Variants in PPID observed in about 807,000 individuals in gnomAD.
PPID encodes the protein peptidylprolyl isomerase D.
PPID carries 47 observed loss-of-function variants against 48.1 expected under a neutral mutation model. The ratio of observed to expected loss-of-function variants is 0.98; its 90% CI spans 0.77 to 1.25. PPID has a LOEUF of 1.25. Among genes scored for constraint, PPID ranks in the 50% most tolerant of loss-of-function variants. The pLI is 0.00. For missense variants in PPID, 429 were observed against 443.5 expected, an observed-to-expected ratio of 0.97 and a Z score of 0.29; for synonymous variants, 163 against 148.8, an observed-to-expected ratio of 1.10 and a Z score of -0.69.
At chr4:158,722,365 C>A (rs1409508083) in intron 1 of PPID, among the ~76,000 whole-genome samples, 1 of 152,254 alleles carries the variant, frequency 6.6e-6, no homozygotes, top group Non-Finnish European at 1.5e-5. Flanking sequence ...AGCCTTTGTG[C>A]TCTGAGCAAA....
chr4:158,715,826 A>C, intron 4 of PPID, 142 bp from the exon 5 acceptor site: 1 of 876,376 alleles, frequency 1.1e-6, no homozygotes, highest in Non-Finnish European at 1.7e-6. Context: ...TGCTGTTTTT[A>C]TACATTCCAA....
At chr4:158,722,174 T>G (rs559689512) in intron 1 of PPID, among the ~76,000 whole-genome samples, 1 of 152,380 alleles carries the variant, frequency 6.6e-6, no homozygotes, top group African/African-American at 2.4e-5. Flanking sequence ...CTAAGGATCA[T>G]AACCAATTAT....
chr4:158,719,148 A>G, intron 3 of PPID, 32 bp downstream of exon 3: 1 of 1,391,016 alleles, frequency 7.2e-7, no homozygotes, highest in Non-Finnish European at 1.0e-6. Context: ...CAATCTTTTT[A>G]TCAGCAATAA....
intron 1 of PPID, 75 bp downstream of exon 1, chr4:158,723,129 C>T: frequency 1.4e-6 from 2 of 1,432,740 alleles, no homozygotes; most frequent in South Asian, 1.2e-5. Context: ...AGCCGCATTC[C>T]GCCCTTGGAA....
intron 7 of PPID, 60 bp downstream of exon 7, chr4:158,713,059 A>C: frequency 1.3e-6 from 2 of 1,543,950 alleles, no homozygotes; most frequent in Non-Finnish European, 1.8e-6. Context: ...AAAAGTTGCT[A>C]CTATTCAAAC....
Position 158,723,373 on chromosome 4 carries a change from C to A in PPID, c.-85G>T, listed in dbSNP as rs958280972. 2 of 1,373,232 alleles carry A rather than the reference C, an allele frequency of 1.5e-6. No individual in the cohort carries two copies. The highest frequency in any genetic ancestry group is 1.0e-6 in the Non-Finnish European group (1 of 982,612). The allele number at this position is 1,373,232 out of a possible 1,614,324, so 85.1% of individuals were successfully genotyped here. Reference sequence around the variant, plus strand: ...CCCAAACTCCAGAGTCCGTCTCCGCCGGAGACCGGCAGCGACGCTGACCGG... The same window carrying A: ...CCCAAACTCCAGAGTCCGTCTCCGCAGGAGACCGGCAGCGACGCTGACCGG... On this transcript the variant is annotated 5_prime_UTR_variant, in exon 1 of 10. Transcript: ENST00000307720.
At chr4:158,719,393 A>C in intron 2 of PPID, 107 bp from the exon 3 acceptor site, 1 of 720,954 alleles carries the variant, frequency 1.4e-6, no homozygotes, top group East Asian at 2.8e-5. Flanking sequence ...GACTCTAGTC[A>C]TGTCTCTCTC....
intron 2 of PPID, among the ~76,000 whole-genome samples, chr4:158,720,539 T>C (rs949153418): frequency 3.3e-5 from 5 of 152,168 alleles, no homozygotes; most frequent in African/African-American, 7.2e-5. Flanking sequence ...CTGCAGTCTA[T>C]TGGGAGAACC....
At chr4:158,716,913 A>C in intron 4 of PPID, 99 bp downstream of exon 4, 2 of 1,221,798 alleles carry the variant, frequency 1.6e-6, no homozygotes, top group Non-Finnish European at 2.3e-6. Context: ...GTGAGCCGAG[A>C]CCGCACCACT....
chr4:158,719,045 A>T (rs1774914489), intron 3 of PPID, 135 bp downstream of exon 3: 1 of 589,344 alleles, frequency 1.7e-6, no homozygotes, highest in Admixed American at 3.3e-5. Flanking sequence ...ACCATTATTT[A>T]CAAAAGTGAT....
Position 158,709,488 on chromosome 4 carries a change from C to T in PPID, c.*248G>A, listed in dbSNP as rs570643169. 15 of 273,236 alleles carry T rather than the reference C, an allele frequency of 5.5e-5. No individual in the cohort carries two copies. The highest frequency in any genetic ancestry group is 7.5e-5 in the Non-Finnish European group (11 of 146,280). 16.9% of individuals were successfully genotyped at this position (273,236 alleles called of 1,614,324 possible). A position where few individuals can be genotyped will look rare whatever the true frequency, so the allele number is the denominator to read the frequency against. ...CAGAGGATGCAGTGAGCCGAGATTG[C>T]GCCACCGCACTCCAGCCTGGGTGAC... On this transcript the variant is annotated 3_prime_UTR_variant, in exon 10 of 10. Coordinates refer to ENST00000307720, the MANE Select transcript of PPID (RefSeq NM_005038.3).
chr4:158,710,323 C>T, intron 9 of PPID: 1 of 462,516 alleles, frequency 2.2e-6, no homozygotes, highest in South Asian at 2.6e-5. Context: ...AATAGGAACA[C>T]AGTCTCAAAG....
Position 158,709,650 on chromosome 4 carries a change from T to G in PPID, c.*86A>C, listed in dbSNP as rs2126324148. On this transcript the variant is annotated 3_prime_UTR_variant, in exon 10 of 10. Coordinates refer to ENST00000307720, the MANE Select transcript of PPID (RefSeq NM_005038.3). ...AACTAAGGTGTCAAAAGAAACACATTAGGGATCATATTCATAGACAAAAAC... is the reference window on the plus strand; with the variant it reads ...AACTAAGGTGTCAAAAGAAACACATGAGGGATCATATTCATAGACAAAAAC... 1.0e-6 allele frequency: 1 copy of G among 991,082 alleles called. No individual in the cohort carries two copies. The highest frequency in any genetic ancestry group is 2.5e-5 in the East Asian group (1 of 39,972). The allele number at this position is 991,082 out of a possible 1,614,324, so 61.4% of individuals were successfully genotyped here.
chr4:158,710,710 T>C, intron 8 of PPID, 40 bp from the exon 9 acceptor site: 1 of 1,610,862 alleles, frequency 6.2e-7, no homozygotes, highest in East Asian at 2.2e-5. Flanking sequence ...GTGTATGATT[T>C]ATAAAGGTAG....
At chr4:158,716,327 T>C (rs1447984141) in intron 4 of PPID, among the ~76,000 whole-genome samples, 1 of 152,086 alleles carries the variant, frequency 6.6e-6, no homozygotes, top group African/African-American at 2.4e-5. Flanking sequence ...AAAACACGTG[T>C]GGAAAAGTTA....
At chr4:158,716,974 AAG>A in intron 4 of PPID, 36 bp downstream of exon 4, 1 of 1,571,544 alleles carries the variant, frequency 6.4e-7, no homozygotes, top group South Asian at 1.1e-5. Context: ...GATAGCAACT[AAG>A]ATAATAAGTG....
rs2230222 is a variant in PPID at position 158,715,620 on chromosome 4, T to G, written c.587A>C (p.Asp196Ala). Residue 196 changes from aspartate to alanine, a missense_variant, in exon 5 of 10, where the codon GAT becomes GCT. Physicochemically the swap from Asp to Ala is moderately radical, Grantham distance 126 (BLOSUM62 -2). Transcript: ENST00000307720. ...EGDDGGIFPK[D>A]GSGDSHPDFP... ...ATCTGGATGACTGTCGCCAGAGCCATCTTTTGGGAATATTCCCCCGTCATC... is the reference window on the plus strand; with the variant it reads ...ATCTGGATGACTGTCGCCAGAGCCAGCTTTTGGGAATATTCCCCCGTCATC... 8.7e-6 allele frequency: 14 copies of G among 1,612,930 alleles called. No individual in the cohort carries two copies. The African/African-American group carries it at 1.3e-4, about 15-fold the overall frequency.
chr4:158,712,930 GAC>G (rs1774812873), intron 7 of PPID, among the ~76,000 whole-genome samples, 187 bp downstream of exon 7: 1 of 152,190 alleles, frequency 6.6e-6, no homozygotes, highest in Non-Finnish European at 1.5e-5. Context: ...GCTGTTAAGT[GAC>G]ACAGAGTTAT....
Position 158,715,694 on chromosome 4 carries a change from T to C in PPID, c.523-10A>G, listed in dbSNP as rs1161220070. On this transcript the variant is annotated splice_polypyrimidine_tract_variant and intron_variant, in intron 4 of 9. Transcript: ENST00000307720. ...CTGCAATAACGCACAACTGTAAAAA[T>C]AACCCTAAATTGTAGAAGTGCACTA... 1 of 1,604,474 alleles carries C rather than the reference T, an allele frequency of 6.2e-7. No homozygotes were observed. The highest frequency in any genetic ancestry group is 8.5e-7 in the Non-Finnish European group (1 of 1,171,304).
Sources: gnomAD v4.1 joint callset for allele counts (sites outside exome capture counted in the v4.1 genomes callset) on GRCh38, gnomAD v4.1.1 for gene constraint, MANE v1.5 for transcripts, NCBI Gene and HGNC (gene_info 2026-07-23, HGNC 2026-07-21) for gene names.